The following IDE variants were observed in gnomAD, a reference collection of about 807,000 sequenced individuals.
IDE encodes the protein insulin-degrading enzyme.
In IDE, 58 loss-of-function variants were observed where a neutral mutation model predicts 133.2. The observed-to-expected ratio is 0.44, with a 90% CI of 0.35 to 0.54. IDE has a LOEUF of 0.54. Among genes scored for constraint, IDE ranks in the 20% least tolerant of loss-of-function variants. The pLI is 0.00. For missense variants in IDE, 981 were observed against 1,234.0 expected, an observed-to-expected ratio of 0.79 and a Z score of 3.07; for synonymous variants, 396 against 421.3, an observed-to-expected ratio of 0.94 and a Z score of 0.73.
intron 11 of IDE, among the ~76,000 whole-genome samples, chr10:92,496,823 CA>C (rs1342687580): frequency 6.6e-6 from 1 of 152,084 alleles, no homozygotes; most frequent in African/African-American, 2.4e-5. Flanking sequence ...ATCACATCTC[CA>C]AACACAGATA....
chr10:92,467,228 C>T (rs929799682), intron 19 of IDE, among the ~76,000 whole-genome samples: 3 of 152,020 alleles, frequency 2.0e-5, no homozygotes, highest in African/African-American at 7.3e-5. Context: ...GCCACTATGC[C>T]CAGCTAATTT....
chr10:92,568,867 C>G (rs929518248), intron 1 of IDE, among the ~76,000 whole-genome samples: 20 of 151,740 alleles, frequency 1.3e-4, no homozygotes, highest in African/African-American at 4.6e-4. Context: ...AGGGGAGGAG[C>G]AGAGTTATAA....
chr10:92,483,893 G>A (rs148039538), intron 13 of IDE, among the ~76,000 whole-genome samples: 93 of 152,298 alleles, frequency 6.1e-4, no homozygotes, highest in African/African-American at 2.1e-3. Flanking sequence ...CACTCACTTT[G>A]GGGGAAGCCT....
chr10:92,537,304 A>G (rs1842062035), intron 2 of IDE, 62 bp downstream of exon 2: 1 of 1,326,154 alleles, frequency 7.5e-7, no homozygotes, highest in East Asian at 2.3e-5. Flanking sequence ...GAAAGTTCTA[A>G]TAAATGTCAG....
Position 92,510,050 on chromosome 10 carries a change from T to C in IDE, c.897A>G (p.Lys299=). ...AAAATACCAAAATTTATGCACTTAC[T>C]TTAAGATGTTCTTCTTGGAAAGGGT... ...PEHPFQEEHL[K]QLYKIVPIKD... is the part of the protein sequence containing the mutation. Residue 299 remains lysine (K), a splice_region_variant and synonymous_variant, in exon 6 of 25, where the codon AAA becomes AAG. Transcript: ENST00000265986. 6.6e-7 allele frequency: 1 copy of C among 1,505,356 alleles called. No homozygotes were observed. Among genetic ancestry groups the C allele is most frequent in the Non-Finnish European group, 9.2e-7 (1 of 1,085,576 alleles). 93.2% of individuals were successfully genotyped at this position (1,505,356 alleles called of 1,614,324 possible).
intron 1 of IDE, among the ~76,000 whole-genome samples, chr10:92,547,413 G>C (rs995010193): frequency 6.6e-6 from 1 of 151,992 alleles, no homozygotes; most frequent in African/African-American, 2.4e-5. Flanking sequence ...CAAATCACAG[G>C]CTGGGAAGAG....
intron 1 of IDE, among the ~76,000 whole-genome samples, chr10:92,546,889 A>G (rs1380848399): frequency 2.0e-5 from 3 of 152,258 alleles, no homozygotes. Flanking sequence ...ACAATTTTCA[A>G]TATTTATACC....
intron 13 of IDE, among the ~76,000 whole-genome samples, chr10:92,484,882 C>G (rs1473285636): frequency 6.6e-6 from 1 of 151,904 alleles, no homozygotes; most frequent in East Asian, 1.9e-4. Context: ...TAGTGAGATC[C>G]CACCTCTACA....
intron 5 of IDE, among the ~76,000 whole-genome samples, chr10:92,511,122 A>G (rs10882073): frequency 0.84 from 114,696 of 136,000 alleles, 48,572 homozygotes; most frequent in East Asian, 0.93. Context: ...TTTTTTTTGA[A>G]GCAAGGTATT....
intron 21 of IDE, 21 bp from the exon 22 acceptor site, chr10:92,461,273 T>C (rs974110299): frequency 1.8e-5 from 22 of 1,226,518 alleles, no homozygotes; most frequent in Non-Finnish European, 2.3e-5. Flanking sequence ...AATCAAACAA[T>C]ATTTTACTAA....
intron 11 of IDE, among the ~76,000 whole-genome samples, chr10:92,494,168 C>A (rs185037985): frequency 6.6e-6 from 1 of 151,842 alleles, no homozygotes; most frequent in Admixed American, 6.6e-5. Flanking sequence ...CTCAAGTGAT[C>A]CTCCTGCCTC....
intron 1 of IDE, among the ~76,000 whole-genome samples, chr10:92,566,228 A>G (rs902580098): frequency 7.9e-5 from 12 of 151,544 alleles, no homozygotes; most frequent in Non-Finnish European, 1.6e-4. Context: ...TTAGCCAGGT[A>G]TGGTGGTATG....
At chr10:92,501,664 G>A (rs949266112) in intron 11 of IDE, among the ~76,000 whole-genome samples, 8 of 141,890 alleles carry the variant, frequency 5.6e-5, no homozygotes, top group Admixed American at 1.5e-4. Flanking sequence ...GCGAGACTCC[G>A]TCTAAAAAAA....
At chr10:92,511,567 T>C (rs1011967682) in intron 5 of IDE, among the ~76,000 whole-genome samples, 1 of 152,222 alleles carries the variant, frequency 6.6e-6, no homozygotes, top group Non-Finnish European at 1.5e-5. Context: ...TTGGAACTTT[T>C]CCATGAATTC....
intron 17 of IDE, among the ~76,000 whole-genome samples, chr10:92,470,586 T>C (rs865885070): frequency 6.6e-6 from 1 of 152,228 alleles, no homozygotes; most frequent in South Asian, 2.1e-4. Flanking sequence ...TCTTTTTTTT[T>C]ATTCCAGGAT....
chr10:92,573,380 C>CA (rs1843881915), intron 1 of IDE, among the ~76,000 whole-genome samples: 3 of 152,214 alleles, frequency 2.0e-5, no homozygotes, highest in Non-Finnish European at 4.4e-5. Flanking sequence ...ACCCCACACT[C>CA]GTCTTCCAAG....
chr10:92,487,407 A>C, intron 12 of IDE, 89 bp from the exon 13 acceptor site: 1 of 1,069,722 alleles, frequency 9.3e-7, no homozygotes, highest in Non-Finnish European at 1.4e-6. Context: ...GGCAAATATT[A>C]AGTGCACAAA....
At chr10:92,473,688 ACTTCAATATTGGC>A (rs1273264245) in intron 17 of IDE, among the ~76,000 whole-genome samples, 4 of 152,096 alleles carry the variant, frequency 2.6e-5, no homozygotes, top group Non-Finnish European at 5.9e-5. Context: ...TTTTCTTAAA[ACTTCAATATTGGC>A]CGGTCGCGGT....
At chr10:92,508,680 G>A (rs1417287433) in intron 7 of IDE, 48 bp downstream of exon 7, 5 of 1,548,248 alleles carry the variant, frequency 3.2e-6, no homozygotes, top group Non-Finnish European at 4.5e-6. Flanking sequence ...GAGAGCCAGA[G>A]TGAAAAGATG....
Sources: gnomAD v4.1 joint callset for allele counts (sites outside exome capture counted in the v4.1 genomes callset) on GRCh38, gnomAD v4.1.1 for gene constraint, MANE v1.5 for transcripts, NCBI Gene and HGNC (gene_info 2026-07-23, HGNC 2026-07-21) for gene names.